The following RAP1B variants were observed in gnomAD, a reference collection of about 807,000 sequenced individuals.
RAP1B encodes the protein ras-related protein Rap-1b.
In RAP1B, 1 loss-of-function variant was observed where a neutral mutation model predicts 27.5. The ratio of observed to expected loss-of-function variants is 0.04; its 90% confidence interval spans 0.01 to 0.17. The LOEUF (loss-of-function observed/expected upper bound fraction) is 0.17. RAP1B is among the 10% of genes least tolerant of loss of function. The pLI is 1.00. For missense variants in RAP1B, 84 were observed against 214.8 expected, an observed-to-expected ratio of 0.39 and a Z score of 3.81; for synonymous variants, 75 against 73.1, an observed-to-expected ratio of 1.03 and a Z score of -0.13.
intron 1 of RAP1B, among the ~76,000 whole-genome samples, chr12:68,628,398 A>G (rs1417084917): frequency 6.6e-6 from 1 of 152,232 alleles, no homozygotes; most frequent in Non-Finnish European, 1.5e-5. Flanking sequence ...TGGCTATGTT[A>G]GCTTCCAACT....
rs2135976980 is a variant in RAP1B, at chr12:68,661,541, C to T, written c.*2292C>T. 1 of 152,100 alleles carries T rather than the reference C, an allele frequency of 6.6e-6. No homozygotes were observed. Among genetic ancestry groups the T allele is most frequent in the Non-Finnish European group, 1.5e-5 (1 of 67,990 alleles). 9.4% of individuals were successfully genotyped at this position (152,100 alleles called of 1,614,324 possible). A position where few individuals can be genotyped will look rare whatever the true frequency, so the allele number is the denominator to read the frequency against. ...TATATTCTATTGAAGAGTTTCTCAG[C>T]CTCAGCACTATTGATGTTTTATGTT... is the stretch of plus-strand genomic sequence containing the variant. On this transcript the variant is annotated 3_prime_UTR_variant, in exon 8 of 8. Transcript: ENST00000250559.
Position 68,654,292 on chromosome 12 carries a change from C to A in RAP1B, c.324+40C>A, listed in dbSNP as rs200860150. 9.3e-6 allele frequency: 13 copies of A among 1,399,518 alleles called. No homozygotes were observed. In the East Asian group the frequency reaches 3.1e-4, roughly 33 times the overall value. 86.7% of individuals were successfully genotyped at this position (1,399,518 alleles called of 1,614,324 possible). On this transcript the variant is annotated intron_variant, in intron 5 of 7. Transcript: ENST00000250559. Reference sequence around the variant, plus strand: ...AAATAAATATATTTTATTTCAAAACCCTGATTATAATTGTTTAAGTCTAAA... The same window carrying A: ...AAATAAATATATTTTATTTCAAAACACTGATTATAATTGTTTAAGTCTAAA...
intron 6 of RAP1B, among the ~76,000 whole-genome samples, chr12:68,656,883 C>T (rs1874244883): frequency 6.6e-6 from 1 of 152,178 alleles, no homozygotes; most frequent in African/African-American, 2.4e-5. Context: ...AAGATCTCTG[C>T]AGCTCCTTCA....
At chr12:68,627,890 C>T (rs1230289624) in intron 1 of RAP1B, among the ~76,000 whole-genome samples, 5 of 151,750 alleles carry the variant, frequency 3.3e-5, no homozygotes, top group African/African-American at 1.2e-4. Flanking sequence ...CTTTTGAGGC[C>T]AGGAGTTTGA....
chr12:68,633,738 C>T (rs1473767551), intron 1 of RAP1B, among the ~76,000 whole-genome samples: 1 of 152,040 alleles, frequency 6.6e-6, no homozygotes, highest in East Asian at 1.9e-4. Context: ...GGCATGGTGG[C>T]GTGTGCTCGT....
intron 3 of RAP1B, 21 bp from the exon 4 acceptor site, chr12:68,651,974 G>A: frequency 6.3e-7 from 1 of 1,598,772 alleles, no homozygotes; most frequent in Non-Finnish European, 8.6e-7. Flanking sequence ...AAATGAACAT[G>A]TATTTTAATT....
chr12:68,629,793 G>A (rs1014910356), intron 1 of RAP1B, among the ~76,000 whole-genome samples: 3 of 152,108 alleles, frequency 2.0e-5, no homozygotes, highest in Non-Finnish European at 2.9e-5. Context: ...GCCAGAAATC[G>A]TTGGTTTTGG....
intron 1 of RAP1B, among the ~76,000 whole-genome samples, chr12:68,628,188 C>T (rs1871957638): frequency 6.6e-6 from 1 of 152,136 alleles, no homozygotes; most frequent in South Asian, 2.1e-4. Context: ...ACCTAGGCCC[C>T]ACAAAATTAC....
At chr12:68,627,015 A>T in intron 1 of RAP1B, 1 of 1,572,990 alleles carries the variant, frequency 6.4e-7, no homozygotes. Context: ...CTTCTTTGAG[A>T]TGTGGATCTT....
At chr12:68,652,722 G>A (rs1321003304) in intron 4 of RAP1B, among the ~76,000 whole-genome samples, 3 of 152,218 alleles carry the variant, frequency 2.0e-5, no homozygotes, top group African/African-American at 4.8e-5. Context: ...GGAGGCTGAG[G>A]CAGGAGAATA....
intron 1 of RAP1B, among the ~76,000 whole-genome samples, chr12:68,644,562 T>C (rs561393864): frequency 6.6e-6 from 1 of 150,582 alleles, no homozygotes; most frequent in Admixed American, 6.6e-5. Flanking sequence ...CCAGCCTGGG[T>C]GACAGAGCAA....
At chr12:68,613,788 A>AG (rs1491507802) in intron 1 of RAP1B, among the ~76,000 whole-genome samples, 1 of 152,260 alleles carries the variant, frequency 6.6e-6, no homozygotes, top group Non-Finnish European at 1.5e-5. Flanking sequence ...GAACATTCAA[A>AG]GAGAGGATAT....
At chr12:68,651,607 A>G (rs1459661147) in intron 3 of RAP1B, 1 of 183,510 alleles carries the variant, frequency 5.4e-6, no homozygotes, top group African/African-American at 2.3e-5. Flanking sequence ...AATGAGGTAT[A>G]TCTAAAGTAT....
intron 3 of RAP1B, chr12:68,651,640 TACTTATGATACTGTTGGA>T (rs1192282972): frequency 9.6e-6 from 2 of 208,620 alleles, no homozygotes; most frequent in African/African-American, 4.6e-5. Context: ...TAGACAGAAT[TACTTATGATACTGTTGGA>T]ACTGTTGCTG....
chr12:68,619,883 T>C (rs567416031), intron 1 of RAP1B, among the ~76,000 whole-genome samples: 1 of 152,320 alleles, frequency 6.6e-6, no homozygotes, highest in South Asian at 2.1e-4. Context: ...ATAATAGTTA[T>C]TTTTAAGCCT....
intron 1 of RAP1B, chr12:68,627,217 G>A: frequency 6.8e-7 from 1 of 1,469,422 alleles, no homozygotes; most frequent in Non-Finnish European, 9.4e-7. Flanking sequence ...TCAGAAACAT[G>A]AACATCCATC....
intron 1 of RAP1B, among the ~76,000 whole-genome samples, chr12:68,620,548 T>A (rs1871319106): frequency 6.6e-6 from 1 of 152,078 alleles, no homozygotes; most frequent in South Asian, 2.1e-4. Flanking sequence ...TTTGTAGCAA[T>A]CCTTGTTAAA....
At chr12:68,654,361 GT>G in intron 5 of RAP1B, 109 bp downstream of exon 5, 1 of 413,644 alleles carries the variant, frequency 2.4e-6, no homozygotes, top group Non-Finnish European at 3.7e-6. Context: ...TGGGGGGGGG[GT>G]GTTGGTTTTT....
rs1874538216 is a variant in RAP1B at position 68,660,498 on chromosome 12, T to G, written c.*1249T>G. On this transcript the variant is annotated 3_prime_UTR_variant, in exon 8 of 8. Transcript: ENST00000250559. ...CATCAGTAGTTCAATAAATTTGGAT[T>G]GCCATGCAAGGGCTTGCATTATAAT... The G allele has an allele frequency of 6.6e-6, 1 of 152,662 alleles. No individual in the cohort carries two copies. The allele number at this position is 152,662 out of a possible 1,614,324, so 9.5% of individuals were successfully genotyped here.
Sources: allele counts gnomAD v4.1 joint callset (sites outside exome capture counted in the v4.1 genomes callset), GRCh38; gene constraint gnomAD v4.1.1; transcripts MANE v1.5; gene names NCBI Gene and HGNC (gene_info 2026-07-23, HGNC 2026-07-21).